GRM3: variants seen among roughly 807,000 people sequenced by gnomAD.
The protein encoded by GRM3 is metabotropic glutamate receptor 3.
Under a neutral mutation model 70.5 loss-of-function variants are expected in GRM3, and 26 were observed. That is an observed-to-expected ratio of 0.37 (90% CI 0.27 to 0.51). The LOEUF (loss-of-function observed/expected upper bound fraction) is 0.51, where lower values mean the gene tolerates loss of function less well. Among genes scored for constraint, GRM3 ranks in the 20% least tolerant of loss-of-function variants. GRM3 has a pLI of 0.93. For missense variants in GRM3, 859 were observed against 1,123.8 expected (o/e 0.76, Z 3.37); for synonymous variants, 443 against 434.9 (o/e 1.02, Z -0.23).
chr7:86,752,874 A>G (rs1019398802), intron 1 of GRM3, among the ~76,000 whole-genome samples: 8 of 152,062 alleles, frequency 5.3e-5, no homozygotes, highest in African/African-American at 1.9e-4. Flanking sequence ...ACTCAGTACA[A>G]CAGGAGAGGA....
intron 1 of GRM3, among the ~76,000 whole-genome samples, chr7:86,678,147 T>C (rs1794351987): frequency 6.6e-6 from 1 of 152,004 alleles, no homozygotes. Context: ...TATTAGACTA[T>C]GAATAGTTAT....
At chr7:86,742,100 T>C (rs1796003613) in intron 1 of GRM3, among the ~76,000 whole-genome samples, 1 of 152,196 alleles carries the variant, frequency 6.6e-6, no homozygotes. Context: ...TAAAGGCTTG[T>C]TCACTAGCAT....
intron 1 of GRM3, among the ~76,000 whole-genome samples, chr7:86,700,377 A>G (rs1179289251): frequency 6.6e-6 from 1 of 151,900 alleles, no homozygotes; most frequent in Non-Finnish European, 1.5e-5. Flanking sequence ...CTGTTAAAGC[A>G]TTCAATATGG....
chr7:86,681,635 A>G (rs368851028), intron 1 of GRM3, among the ~76,000 whole-genome samples: 1 of 152,118 alleles, frequency 6.6e-6, no homozygotes, highest in South Asian at 2.1e-4. Flanking sequence ...AGATGGAGCA[A>G]CTATGCCTGA....
intron 3 of GRM3, among the ~76,000 whole-genome samples, chr7:86,800,323 A>T (rs1174941168): frequency 1.3e-5 from 2 of 152,194 alleles, no homozygotes; most frequent in African/African-American, 4.8e-5. Flanking sequence ...GACATTTAAA[A>T]ATACCCTTTA....
chr7:86,673,236 C>T (rs1794217539), intron 1 of GRM3, among the ~76,000 whole-genome samples: 1 of 152,172 alleles, frequency 6.6e-6, no homozygotes, highest in Admixed American at 6.6e-5. Context: ...CAGCTAAAGA[C>T]TTTCCTCTCT....
intron 2 of GRM3, among the ~76,000 whole-genome samples, chr7:86,779,273 T>G (rs1257800732): frequency 6.6e-6 from 1 of 152,208 alleles, no homozygotes; most frequent in Non-Finnish European, 1.5e-5. Flanking sequence ...CCTTGTCTTA[T>G]GTGTCATCTC....
rs756503238 is a variant in GRM3 at position 86,839,811 on chromosome 7, A to G, written c.2297A>G (p.Asn766Ser). The G allele has an allele frequency of 9.9e-6, 16 of 1,614,026 alleles. No homozygotes were observed. Among genetic ancestry groups the G allele is most frequent in the Admixed American group, 8.3e-5 (5 of 60,008 alleles). Reference sequence around the variant, plus strand: ...ACGCGGAAGTGCCCAGAAAATTTCAACGAAGCTAAGTTCATAGGTTTTACC... The same window carrying G: ...ACGCGGAAGTGCCCAGAAAATTTCAGCGAAGCTAAGTTCATAGGTTTTACC... ...FKTRKCPENF[N>S]EAKFIGFTMY... The change falls in exon 4 of 6, where the codon AAC becomes AGC. Residue 766 changes from asparagine to serine, a missense_variant. Physicochemically the swap from Asn to Ser is conservative, Grantham distance 46 (BLOSUM62 1). Transcript: ENST00000361669. The surrounding 1 kb of genome is among the most constrained non-coding windows in gnomAD (Gnocchi z 4.5).
chr7:86,725,154 C>A (rs1172475747), intron 1 of GRM3, among the ~76,000 whole-genome samples: 20 of 152,072 alleles, frequency 1.3e-4, no homozygotes, highest in Non-Finnish European at 1.0e-4. Context: ...TTCTTAAGTT[C>A]TCTCTTCTTT....
chr7:86,758,645 A>G (rs1456716813), intron 1 of GRM3, among the ~76,000 whole-genome samples: 2 of 152,200 alleles, frequency 1.3e-5, no homozygotes, highest in Non-Finnish European at 2.9e-5. Context: ...CAAAGTGAAT[A>G]CTATTGATGG....
chr7:86,697,833 C>T (rs1170008802), intron 1 of GRM3, among the ~76,000 whole-genome samples: 1 of 152,078 alleles, frequency 6.6e-6, no homozygotes, highest in South Asian at 2.1e-4. Flanking sequence ...GATACCAGAA[C>T]CCATCTCTTG....
intron 1 of GRM3, among the ~76,000 whole-genome samples, chr7:86,730,434 A>G (rs1220764989): frequency 2.6e-5 from 4 of 152,256 alleles, no homozygotes; most frequent in Non-Finnish European, 5.9e-5. Flanking sequence ...AACAAAAGGC[A>G]TAACATAACT....
intron 1 of GRM3, among the ~76,000 whole-genome samples, chr7:86,709,266 A>T (rs1011520464): frequency 6.6e-6 from 1 of 151,940 alleles, no homozygotes; most frequent in Non-Finnish European, 1.5e-5. Context: ...AACCGCAATG[A>T]GTTCCCCTAA....
chr7:86,650,670 G>A (rs1645780511), intron 1 of GRM3, among the ~76,000 whole-genome samples: 1 of 152,120 alleles, frequency 6.6e-6, no homozygotes, highest in Non-Finnish European at 1.5e-5. Flanking sequence ...ATAAACACCA[G>A]GTCTGAAAGT....
chr7:86,859,882 C>T (rs1160048783), intron 5 of GRM3, among the ~76,000 whole-genome samples: 2 of 152,160 alleles, frequency 1.3e-5, no homozygotes, highest in Non-Finnish European at 2.9e-5. Context: ...GACAAAGCTG[C>T]CACTTGGTTA....
At position 86,765,460 on chromosome 7, in the gene GRM3, A is replaced by T; in HGVS notation, c.315A>T (p.Ala105=). The stretch of plus-strand genomic sequence containing the variant: ...ATACATGTTCAAGGGATACCTATGC[A>T]TTGGAGCAATCACTGGAGTTTGTCA... ...ILDTCSRDTY[A]LEQSLEFVRA... is the part of the protein sequence containing the mutation. The change falls in exon 2 of 6, where the codon GCA becomes GCT. Residue 105 remains alanine (A), a synonymous_variant. Transcript: ENST00000361669. 6.2e-7 allele frequency: 1 copy of T among 1,613,930 alleles called. No individual in the cohort carries two copies. The highest frequency in any genetic ancestry group is 8.5e-7 in the Non-Finnish European group (1 of 1,179,884).
At chr7:86,748,587 G>A (rs772572389) in intron 1 of GRM3, among the ~76,000 whole-genome samples, 1 of 151,886 alleles carries the variant, frequency 6.6e-6, no homozygotes, top group Non-Finnish European at 1.5e-5. Flanking sequence ...GAAGATCAAG[G>A]GTCAGCCTGG....
chr7:86,699,671 T>A (rs1794905556), intron 1 of GRM3, among the ~76,000 whole-genome samples: 1 of 152,012 alleles, frequency 6.6e-6, no homozygotes, highest in Non-Finnish European at 1.5e-5. Flanking sequence ...AATTATACCT[T>A]CTATCACATA....
In GRM3 at chr7:86,644,360, C is replaced by T. The variant is rs144291265; in HGVS notation, c.-653C>T. 2.7e-4 allele frequency: 79 copies of T among 290,130 alleles called. No homozygotes were observed. Among genetic ancestry groups the T allele is most frequent in the Middle Eastern group, 2.5e-3 (2 of 798 alleles). The allele number at this position is 290,130 out of a possible 1,614,324, so 18.0% of individuals were successfully genotyped here. ...GGAAAGAATGAAAAGGAGAGGATGCCAGGAGGTCCGTGCTTCTGCCAAGAG... is the reference window on the plus strand; with the variant it reads ...GGAAAGAATGAAAAGGAGAGGATGCTAGGAGGTCCGTGCTTCTGCCAAGAG... On this transcript the variant is annotated 5_prime_UTR_variant, in exon 1 of 6. The change creates a premature stop within an existing upstream ORF in the 5' untranslated region. Coordinates refer to ENST00000361669, the MANE Select transcript of GRM3 (RefSeq NM_000840.3).
Sources: allele counts gnomAD v4.1 joint callset (sites outside exome capture counted in the v4.1 genomes callset), GRCh38; gene constraint gnomAD v4.1.1; non-coding constraint Gnocchi (gnomAD v3.1); transcripts MANE v1.5; gene names NCBI Gene and HGNC (gene_info 2026-07-23, HGNC 2026-07-21).